DPYD: variants seen among roughly 807,000 people sequenced by gnomAD.
The protein encoded by DPYD is dihydropyrimidine dehydrogenase [NADP(+)].
A neutral mutation model predicts 116.2 loss-of-function variants in DPYD; 109 were observed. That is an observed-to-expected ratio of 0.94 (90% CI 0.80 to 1.10). DPYD has a LOEUF of 1.10. Among genes scored for constraint, DPYD ranks in the 50% least tolerant of loss-of-function variants. The pLI is 0.00. For synonymous variants in DPYD, 440 were observed against 432.0 expected, an observed-to-expected ratio of 1.02 and a Z score of -0.23; for missense variants, 1,302 against 1,254.5, an observed-to-expected ratio of 1.04 and a Z score of -0.57.
intron 11 of DPYD, among the ~76,000 whole-genome samples, chr1:97,567,459 T>C (rs910538138): frequency 6.6e-6 from 1 of 152,012 alleles, no homozygotes; most frequent in African/African-American, 2.4e-5. Flanking sequence ...TAGTTCCCAG[T>C]GAGTGAGCAG....
Position 97,546,632 on chromosome 1 carries a change from G to T in DPYD, c.1524+2928C>A. 3 of 1,612,640 alleles carry T rather than the reference G, an allele frequency of 1.9e-6. No individual in the cohort carries two copies. In the South Asian group the frequency reaches 3.3e-5, roughly 18 times the overall value. On this transcript the variant is annotated intron_variant, in intron 12 of 22. Transcript: ENST00000370192. ...TTTCCTGAGGAAAAACAAGAATGGT[G>T]GTGGCTTTACATTGCAGATAGGAAG...
At chr1:97,317,804 T>C (rs1667951222) in intron 16 of DPYD, among the ~76,000 whole-genome samples, 1 of 151,960 alleles carries the variant, frequency 6.6e-6, no homozygotes, top group South Asian at 2.1e-4. Context: ...GGGAATGTTA[T>C]GAAATCCAAG....
chr1:97,111,279 C>T (rs1025090987), intron 20 of DPYD, among the ~76,000 whole-genome samples: 1 of 152,018 alleles, frequency 6.6e-6, no homozygotes, highest in Non-Finnish European at 1.5e-5. Context: ...CAGATGATTC[C>T]TCTGCTTAAA....
intron 18 of DPYD, among the ~76,000 whole-genome samples, chr1:97,266,383 CTA>C (rs1664226272): frequency 1.3e-5 from 2 of 152,260 alleles, no homozygotes; most frequent in African/African-American, 4.8e-5. Flanking sequence ...AAGACAAAAT[CTA>C]GGAGTGCTAT....
chr1:97,170,499 C>G (rs1028725218), intron 20 of DPYD, among the ~76,000 whole-genome samples: 2 of 152,076 alleles, frequency 1.3e-5, no homozygotes, highest in African/African-American at 2.4e-5. Flanking sequence ...GCCAGGCAAC[C>G]ATACACATCT....
intron 3 of DPYD, among the ~76,000 whole-genome samples, chr1:97,757,114 G>GAATATTGTT (rs1557937666): frequency 2.0e-5 from 3 of 152,090 alleles, no homozygotes; most frequent in African/African-American, 7.2e-5. Flanking sequence ...TTCATTCAAC[G>GAATATTGTT]AATATTGTTT....
intron 2 of DPYD, among the ~76,000 whole-genome samples, chr1:97,845,739 G>T (rs1048814108): frequency 2.0e-5 from 3 of 152,196 alleles, no homozygotes; most frequent in Non-Finnish European, 4.4e-5. Context: ...TGGCCCTTCA[G>T]GGAGGCCAGA....
At chr1:97,565,394 A>G (rs1310000907) in intron 11 of DPYD, among the ~76,000 whole-genome samples, 2 of 152,136 alleles carry the variant, frequency 1.3e-5, no homozygotes, top group African/African-American at 2.4e-5. Flanking sequence ...TGTCACCTGC[A>G]TGTCTACAGC....
chr1:97,919,523 C>T (rs1009525139), intron 1 of DPYD, among the ~76,000 whole-genome samples: 1 of 152,062 alleles, frequency 6.6e-6, no homozygotes, highest in African/African-American at 2.4e-5. Flanking sequence ...AAGTCAACTC[C>T]GATATCTTAA....
chr1:97,685,092 C>G (rs1660646161), intron 7 of DPYD, among the ~76,000 whole-genome samples: 1 of 152,068 alleles, frequency 6.6e-6, no homozygotes, highest in Non-Finnish European at 1.5e-5. Context: ...TGCAAAAATC[C>G]TCAATAAAAT....
intron 1 of DPYD, among the ~76,000 whole-genome samples, chr1:97,910,659 T>C (rs578005626): frequency 1.3e-5 from 2 of 152,188 alleles, no homozygotes; most frequent in South Asian, 4.1e-4. Flanking sequence ...CCAGAGTCTA[T>C]ACTCTTAACC....
chr1:97,723,768 GTCAACACAGAAATATC>G (rs751548808), intron 4 of DPYD, among the ~76,000 whole-genome samples: 8 of 151,536 alleles, frequency 5.3e-5, no homozygotes, highest in Non-Finnish European at 5.9e-5. Context: ...ATATCCAAAA[GTCAACACAGAAATATC>G]TTACACACAG....
chr1:97,890,819 T>C (rs749338649), intron 1 of DPYD, among the ~76,000 whole-genome samples: 3 of 152,038 alleles, frequency 2.0e-5, no homozygotes, highest in Non-Finnish European at 4.4e-5. Flanking sequence ...TAAATGATCA[T>C]GTTTATCTAT....
intron 2 of DPYD, among the ~76,000 whole-genome samples, chr1:97,845,223 G>C (rs1011615442): frequency 6.6e-6 from 1 of 152,214 alleles, no homozygotes; most frequent in Non-Finnish European, 1.5e-5. Flanking sequence ...GTCAGTTCCA[G>C]GTGGAGTCCC....
intron 20 of DPYD, among the ~76,000 whole-genome samples, chr1:97,107,603 C>T (rs1173168823): frequency 6.6e-6 from 1 of 152,066 alleles, no homozygotes; most frequent in Admixed American, 6.6e-5. Flanking sequence ...CTTTGCAAAG[C>T]ACATGAGTAC....
chr1:97,403,356 G>A (rs1036297602), intron 14 of DPYD, among the ~76,000 whole-genome samples: 10 of 152,060 alleles, frequency 6.6e-5, no homozygotes, highest in South Asian at 2.1e-4. Flanking sequence ...TGAGACTATC[G>A]GTATTCCCTC....
chr1:97,909,572 C>T (rs576467327), intron 1 of DPYD, among the ~76,000 whole-genome samples: 9 of 150,986 alleles, frequency 6.0e-5, no homozygotes, highest in South Asian at 2.1e-4. Context: ...TTGTCAAGCT[C>T]ACACTTTTTC....
chr1:97,593,991 G>A (rs889282560), intron 9 of DPYD, among the ~76,000 whole-genome samples: 2 of 152,064 alleles, frequency 1.3e-5, no homozygotes, highest in Non-Finnish European at 2.9e-5. Flanking sequence ...AAACTGGGCA[G>A]TAAAAGAAAT....
intron 13 of DPYD, among the ~76,000 whole-genome samples, chr1:97,481,771 T>C (rs920415891): frequency 9.8e-5 from 15 of 152,330 alleles, no homozygotes; most frequent in African/African-American, 3.6e-4. Flanking sequence ...GGTTATAATG[T>C]TTCATAATTG....
Sources: gnomAD v4.1 joint callset for allele counts (sites outside exome capture counted in the v4.1 genomes callset) on GRCh38, gnomAD v4.1.1 for gene constraint, MANE v1.5 for transcripts, NCBI Gene and HGNC (gene_info 2026-07-23, HGNC 2026-07-21) for gene names.